Variants in CBFA2T2 observed in about 807,000 individuals in gnomAD.
CBFA2T2 encodes the protein protein CBFA2T2.
CBFA2T2 carries 11 observed loss-of-function variants against 62.2 expected under a neutral mutation model. The ratio of observed to expected loss-of-function variants is 0.18; its 90% CI spans 0.11 to 0.29. The LOEUF is 0.29. CBFA2T2 is among the 10% of genes least tolerant of loss of function. The pLI is 1.00. For missense variants in CBFA2T2, 592 were observed against 774.1 expected, an observed-to-expected ratio of 0.76 and a Z score of 2.79; for synonymous variants, 295 against 287.5, an observed-to-expected ratio of 1.03 and a Z score of -0.27.
chr20:33,615,521 G>A lies in CBFA2T2; in HGVS notation c.421-3996G>A, dbSNP rs188241019. Among the ~76,000 whole-genome samples the A allele has an allele frequency of 3.5e-3, 535 of 152,266 alleles. 4 individuals carry two copies. Among genetic ancestry groups the A allele is most frequent in the African/African-American group, 0.012 (511 of 41,568 alleles). ...AGGAAAGTACAATTTATCTGTTGTC[G>A]TTAAAAATCAAGTCTCATTCTGGTT... On this transcript the variant is annotated intron_variant, in intron 3 of 10. Transcript: ENST00000342704.
intron 1 of CBFA2T2, among the ~76,000 whole-genome samples, chr20:33,529,468 G>A (rs989023142): frequency 1.3e-5 from 2 of 151,684 alleles, no homozygotes; most frequent in African/African-American, 2.4e-5. Context: ...CTCTTTGTAA[G>A]TTACAAAAGA....
At chr20:33,510,149 C>A (rs1415887785) in intron 1 of CBFA2T2, among the ~76,000 whole-genome samples, 1 of 151,836 alleles carries the variant, frequency 6.6e-6, no homozygotes, top group East Asian at 1.9e-4. Context: ...AGGACATGAA[C>A]TCATTGTTTT....
intron 3 of CBFA2T2, among the ~76,000 whole-genome samples, chr20:33,616,796 C>G (rs1284654832): frequency 6.6e-6 from 1 of 152,048 alleles, no homozygotes; most frequent in Non-Finnish European, 1.5e-5. Context: ...AAGTGTTGCC[C>G]TTGAAATCCA....
intron 4 of CBFA2T2, 141 bp from the exon 5 acceptor site, chr20:33,622,974 C>A: frequency 1.4e-6 from 1 of 713,348 alleles, no homozygotes; most frequent in Non-Finnish European, 2.3e-6. Flanking sequence ...ATCATTGACT[C>A]ACAGAAGAAG....
intron 1 of CBFA2T2, among the ~76,000 whole-genome samples, chr20:33,591,608 C>T (rs1010624313): frequency 4.6e-5 from 7 of 152,152 alleles, no homozygotes; most frequent in African/African-American, 1.7e-4. Context: ...TTTGTGGTTA[C>T]CTTACTACTT....
At chr20:33,624,331 G>A (rs1048215035) in intron 5 of CBFA2T2, among the ~76,000 whole-genome samples, 1 of 147,436 alleles carries the variant, frequency 6.8e-6, no homozygotes, top group African/African-American at 2.6e-5. Flanking sequence ...TAATTTGACT[G>A]GCTTTAAAAA....
At chr20:33,562,571 A>G in intron 1 of CBFA2T2, 1 of 985,860 alleles carries the variant, frequency 1.0e-6, no homozygotes, top group Non-Finnish European at 1.2e-6. Flanking sequence ...TCTCCGATTG[A>G]GCTTTGAAGA....
chr20:33,532,872 G>T (rs187283807), intron 1 of CBFA2T2, among the ~76,000 whole-genome samples: 1 of 152,162 alleles, frequency 6.6e-6, no homozygotes, highest in African/African-American at 2.4e-5. Flanking sequence ...TCTCCCTTGT[G>T]CTGTCTTCTG....
Position 33,623,168 on chromosome 20 carries a change from G to A in CBFA2T2, c.564G>A (p.Lys188=). The A allele has an allele frequency of 6.2e-7, 1 of 1,614,236 alleles. No individual in the cohort carries two copies. The highest frequency in any genetic ancestry group is 8.5e-7 in the Non-Finnish European group (1 of 1,180,040). ...TGCTGCACTGCGCTCGGGCGGCCAA[G>A]CAGACCCCATCCCAGTACCTGGCTC... ...RELLHCARAA[K]QTPSQYLAQH... The change falls in exon 5 of 11, where the codon AAG becomes AAA. Residue 188 remains lysine (K), a synonymous_variant. Coordinates refer to ENST00000342704, the MANE Select transcript of CBFA2T2 (RefSeq NM_001032999.3).
In CBFA2T2 at chr20:33,642,109, TTTTTTTTTGTGTG is replaced by T. The variant is rs1292611061; in HGVS notation, c.1488+1580_1488+1592del. 1.4e-3 allele frequency among the ~76,000 whole-genome samples: 56 copies of T among 40,208 alleles called. 1 individual carries two copies. The highest frequency in any genetic ancestry group is 3.9e-3 in the South Asian group (6 of 1,540). The allele number at this position is 40,208 out of a possible 152,430, so 26.4% of individuals were successfully genotyped here. A position where few individuals can be genotyped will look rare whatever the true frequency, so the allele number is the denominator to read the frequency against. ...CGTTCTCTCCTCCTCCTTTGTCTTT[TTTTTTTTTGTGTG>T]TGTGTGTGTGTGTGTGTGTGTGTGT... On this transcript the variant is annotated intron_variant, in intron 10 of 10. Transcript: ENST00000342704.
rs1020401608 is a variant in CBFA2T2 at position 33,649,023 on chromosome 20, C to T, written c.*4377C>T. ...GCTCTTCAAAATGAAAACAGAATGA[C>T]CGGATGGCCATCTGTCCTGGAAACT... On this transcript the variant is annotated 3_prime_UTR_variant, in exon 11 of 11. Transcript: ENST00000342704. 1 of 152,144 alleles carries T rather than the reference C, an allele frequency of 6.6e-6. No individual in the cohort carries two copies. The highest frequency in any genetic ancestry group is 1.5e-5 in the Non-Finnish European group (1 of 68,024). The allele number at this position is 152,144 out of a possible 1,614,324, so 9.4% of individuals were successfully genotyped here.
intron 1 of CBFA2T2, among the ~76,000 whole-genome samples, chr20:33,491,595 G>C (rs2011146820): frequency 6.6e-6 from 1 of 152,068 alleles, no homozygotes; most frequent in African/African-American, 2.4e-5. Flanking sequence ...CCAGCTTGCA[G>C]TTACTGCTTT....
intron 10 of CBFA2T2, among the ~76,000 whole-genome samples, chr20:33,642,112 TTTTTTGTGTGTGTGTGTGTGTGTGTGTG>T (rs1193184017): frequency 1.3e-5 from 1 of 74,612 alleles, no homozygotes; most frequent in Non-Finnish European, 2.2e-5. Context: ...TGTCTTTTTT[TTTTTTGTGTGTGTGTGTGTGTGTGTGTG>T]TGTGTGTGTG....
chr20:33,533,947 C>G (rs1462479199), intron 1 of CBFA2T2, among the ~76,000 whole-genome samples: 1 of 152,142 alleles, frequency 6.6e-6, no homozygotes, highest in Non-Finnish European at 1.5e-5. Context: ...GCCGAGATCA[C>G]GCCAGTGCTC....
intron 1 of CBFA2T2, among the ~76,000 whole-genome samples, chr20:33,517,452 G>GGTT (rs1555830080): frequency 1.1e-3 from 166 of 148,104 alleles, no homozygotes; most frequent in Non-Finnish European, 1.6e-3. Flanking sequence ...TTTTTTTGGT[G>GGTT]TTTTTTTTTT....
chr20:33,615,481 G>A (rs1374453648), intron 3 of CBFA2T2, among the ~76,000 whole-genome samples: 3 of 152,022 alleles, frequency 2.0e-5, no homozygotes. Flanking sequence ...TAACTGAAAG[G>A]TCTGTAAAAC....
chr20:33,634,291 T>C (rs1250913512), intron 8 of CBFA2T2, among the ~76,000 whole-genome samples: 1 of 152,160 alleles, frequency 6.6e-6, no homozygotes, highest in Non-Finnish European at 1.5e-5. Context: ...AGAAAAAGAA[T>C]ACTTAATCAG....
intron 1 of CBFA2T2, among the ~76,000 whole-genome samples, chr20:33,549,070 C>A (rs1315853827): frequency 6.6e-6 from 1 of 152,132 alleles, no homozygotes; most frequent in Non-Finnish European, 1.5e-5. Flanking sequence ...TCTAGAAGAA[C>A]ATATAGGTGC....
At chr20:33,503,623 AT>A (rs1197435242) in intron 1 of CBFA2T2, among the ~76,000 whole-genome samples, 16 of 152,034 alleles carry the variant, frequency 1.1e-4, no homozygotes, top group Non-Finnish European at 1.9e-4. Context: ...TTCATTTTGT[AT>A]GGTTTATTTA....
Sources: allele counts gnomAD v4.1 joint callset (sites outside exome capture counted in the v4.1 genomes callset), GRCh38; gene constraint gnomAD v4.1.1; transcripts MANE v1.5; gene names NCBI Gene and HGNC (gene_info 2026-07-23, HGNC 2026-07-21).